The following RHNO1 variants were observed in gnomAD, a reference collection of about 807,000 sequenced individuals.
RHNO1 encodes the protein RAD9-HUS1-RAD1 interacting nuclear orphan 1.
RHNO1 carries 9 observed loss-of-function variants against 7.2 expected under a neutral mutation model. The ratio of observed to expected loss-of-function variants is 1.25; its 90% CI spans 0.75 to 2.18. RHNO1 has a LOEUF of 2.18. RHNO1 is among the 30% of genes most tolerant of loss of function. RHNO1 has a pLI of 0.00. For missense variants in RHNO1, 292 were observed against 284.5 expected (o/e 1.03, Z -0.19); for synonymous variants, 95 against 107.5 (o/e 0.88, Z 0.72).
intron 1 of RHNO1, among the ~76,000 whole-genome samples, chr12:2,879,150 C>A (rs1234320442): frequency 1.3e-5 from 2 of 151,256 alleles, no homozygotes; most frequent in Admixed American, 1.3e-4. Flanking sequence ...CCTACAGGCA[C>A]ATGCCACTAC....
At chr12:2,886,860 G>A in intron 2 of RHNO1, 1 of 423,134 alleles carries the variant, frequency 2.4e-6, no homozygotes, top group Non-Finnish European at 4.9e-6. Flanking sequence ...AGAATCCTGT[G>A]GATGAGAGTA....
At chr12:2,886,846 C>CTT (rs1302881009) in intron 2 of RHNO1, 6 of 412,952 alleles carry the variant, frequency 1.5e-5, no homozygotes, top group Non-Finnish European at 3.0e-5. Flanking sequence ...GAAACCTAAA[C>CTT]ATCAGAATCC....
chr12:2,883,501 A>ATTTTTTTTTTTTTTTT (rs2098161252), intron 1 of RHNO1, among the ~76,000 whole-genome samples: 1 of 31,238 alleles, frequency 3.2e-5, no homozygotes, highest in African/African-American at 1.1e-4. Context: ...ATATATATAT[A>ATTTTTTTTTTTTTTTT]TATATATATA....
chr12:2,883,496 T>TA (rs1356122526), intron 1 of RHNO1, among the ~76,000 whole-genome samples: 5 of 21,300 alleles, frequency 2.3e-4, no homozygotes, highest in Non-Finnish European at 3.1e-4. Flanking sequence ...TATATATATA[T>TA]ATATATATAT....
intron 2 of RHNO1, chr12:2,886,003 A>AT (rs2098165237): frequency 6.6e-6 from 1 of 152,550 alleles, no homozygotes; most frequent in African/African-American, 2.4e-5. Flanking sequence ...ACTCCAAAGA[A>AT]TAAGATTCAT....
In RHNO1 at chr12:2,888,310, A is replaced by C; in HGVS notation, c.568A>C (p.Asn190His). 1 of 1,614,136 alleles carries C rather than the reference A, an allele frequency of 6.2e-7. No individual in the cohort carries two copies. The highest frequency in any genetic ancestry group is 8.5e-7 in the Non-Finnish European group (1 of 1,180,022). ...LSCTLHTGTP[N>H]SPEPGPVLVK... Reference sequence around the variant, plus strand: ...CTGCACTCTTCACACTGGCACTCCTAATAGCCCAGAGCCTGGACCTGTTCT... The same window carrying C: ...CTGCACTCTTCACACTGGCACTCCTCATAGCCCAGAGCCTGGACCTGTTCT... The change falls in exon 3 of 3, where the codon AAT becomes CAT. Residue 190 changes from asparagine to histidine, a missense_variant. Asn to His is a moderately conservative substitution (Grantham distance 68, BLOSUM62 1). Transcript: ENST00000489288.
intron 1 of RHNO1, 174 bp from the exon 2 acceptor site, chr12:2,885,109 G>T: frequency 2.4e-6 from 1 of 424,436 alleles, no homozygotes; most frequent in Non-Finnish European, 4.2e-6. Context: ...CTCAATAAAT[G>T]TTCGTTAGAT....
intron 1 of RHNO1, chr12:2,885,058 A>G (rs750752776): frequency 3.4e-6 from 1 of 293,434 alleles, no homozygotes. Flanking sequence ...ATGGTTATTC[A>G]TCTTTAAATT....
chr12:2,881,355 A>G (rs891433064), intron 1 of RHNO1, among the ~76,000 whole-genome samples: 4 of 151,926 alleles, frequency 2.6e-5, no homozygotes, highest in African/African-American at 9.7e-5. Context: ...TGCCCGCCTC[A>G]GCTCCCTAAA....
At chr12:2,887,263 A>C (rs1603503320) in intron 2 of RHNO1, among the ~76,000 whole-genome samples, 1 of 152,200 alleles carries the variant, frequency 6.6e-6, no homozygotes, top group East Asian at 1.9e-4. Context: ...GGATCACCTG[A>C]GGTCAAGAGT....
In RHNO1 at chr12:2,884,115, C is replaced by T. The variant is rs201962798; in HGVS notation, c.-84-1168C>T. Among the ~76,000 whole-genome samples, 3 of 152,104 alleles carry T rather than the reference C, an allele frequency of 2.0e-5. No homozygotes were observed. The East Asian group carries it at 5.8e-4, about 29-fold the overall frequency. On this transcript the variant is annotated intron_variant, in intron 1 of 2. Transcript: ENST00000489288. ...TCGCTTTGTCTCCCAGGCTGGAGTGCAGTGGTGCAATCTCGGCTCATTGTA... is the reference window on the plus strand; with the variant it reads ...TCGCTTTGTCTCCCAGGCTGGAGTGTAGTGGTGCAATCTCGGCTCATTGTA...
In RHNO1 at chr12:2,888,837, T is replaced by C. The variant is rs1320660259; in HGVS notation, c.*378T>C. On this transcript the variant is annotated 3_prime_UTR_variant, in exon 3 of 3. Coordinates refer to ENST00000489288, the MANE Select transcript of RHNO1 (RefSeq NM_001252499.3). ...TTGTTTTCTAAGATACTTTGTGTCA[T>C]GAACAGTTCAGTTTAGTGTCATGAA... The C allele has an allele frequency of 5.7e-6, 1 of 174,624 alleles. No homozygotes were observed. Among genetic ancestry groups the C allele is most frequent in the East Asian group, 1.6e-4 (1 of 6,408 alleles). 10.8% of individuals were successfully genotyped at this position (174,624 alleles called of 1,614,324 possible).
chr12:2,886,655 C>CAAAAAAAAAAA (rs11441422), intron 2 of RHNO1, among the ~76,000 whole-genome samples: 1 of 95,358 alleles, frequency 1.0e-5, no homozygotes, highest in East Asian at 3.0e-4. Context: ...GACCCTGTCT[C>CAAAAAAAAAAA]AAAAAAAAAA....
At chr12:2,882,170 G>C (rs2098158651) in intron 1 of RHNO1, among the ~76,000 whole-genome samples, 1 of 151,746 alleles carries the variant, frequency 6.6e-6, no homozygotes, top group Non-Finnish European at 1.5e-5. Flanking sequence ...GGCCAGGCGT[G>C]GTGGCTCATG....
intron 1 of RHNO1, among the ~76,000 whole-genome samples, chr12:2,883,873 G>A (rs2098162168): frequency 6.7e-6 from 1 of 149,880 alleles, no homozygotes. Context: ...GGTGTAGATG[G>A]GTCAGGATTA....
chr12:2,883,505 ATATATATTTTTTTTTTTTT>A (rs1472560805), intron 1 of RHNO1, among the ~76,000 whole-genome samples: 5 of 31,920 alleles, frequency 1.6e-4, no homozygotes, highest in African/African-American at 6.9e-4. Flanking sequence ...ATATATATAT[ATATATATTTTTTTTTTTTT>A]TTTTTTTTTT....
chr12:2,885,667 T>C (rs1033858275), intron 2 of RHNO1, 133 bp downstream of exon 2: 3 of 757,986 alleles, frequency 4.0e-6, no homozygotes, highest in South Asian at 2.1e-5. Flanking sequence ...CTCCGCCTCC[T>C]GGGTTCACAC....
intron 2 of RHNO1, chr12:2,885,818 G>A (rs12825154): frequency 6.4e-5 from 14 of 218,076 alleles, no homozygotes; most frequent in African/African-American, 2.8e-4. Context: ...CTCGTGATCC[G>A]CCCGCCTCGG....
chr12:2,888,101 A>G lies in RHNO1; in HGVS notation c.359A>G (p.Glu120Gly). 1 of 1,614,036 alleles carries G rather than the reference A, an allele frequency of 6.2e-7. No individual in the cohort carries two copies. Among genetic ancestry groups the G allele is most frequent in the South Asian group, 1.1e-5 (1 of 91,070 alleles). Residue 120 changes from glutamate to glycine, a missense_variant, in exon 3 of 3, where the codon GAA becomes GGA. By Grantham distance (98) the Glu-to-Gly change is moderately conservative. Coordinates refer to ENST00000489288, the MANE Select transcript of RHNO1 (RefSeq NM_001252499.3). ...ATCCGAGAGTGCCCCAGTGAATCAG[A>G]AAAGGATGTTTCCAGAAGACCCTTA... ...PLIRECPSES[E>G]KDVSRRPLVP...
Sources: gnomAD v4.1 joint callset for allele counts (sites outside exome capture counted in the v4.1 genomes callset) on GRCh38, gnomAD v4.1.1 for gene constraint, MANE v1.5 for transcripts, NCBI Gene and HGNC (gene_info 2026-07-23, HGNC 2026-07-21) for gene names.